Variants in TECRL observed in about 807,000 individuals in gnomAD.
The protein encoded by TECRL is trans-2,3-enoyl-CoA reductase-like.
In TECRL, 63 loss-of-function variants were observed where a neutral mutation model predicts 52.8. The observed-to-expected ratio is 1.19, with a 90% confidence interval of 0.97 to 1.47. The LOEUF is 1.47. TECRL is among the 40% of genes most tolerant of loss of function. TECRL has a pLI of 0.00. For synonymous variants in TECRL, 164 were observed against 141.9 expected (o/e 1.16, Z -1.10); for missense variants, 482 against 429.6 (o/e 1.12, Z -1.08).
At chr4:64,407,025 AT>A (rs769026692) in intron 1 of TECRL, among the ~76,000 whole-genome samples, 1 of 146,156 alleles carries the variant, frequency 6.8e-6, no homozygotes, top group African/African-American at 2.5e-5. Context: ...AAAAAAAAAA[AT>A]TAATCTAGAA....
At chr4:64,285,839 C>T (rs926250499) in intron 9 of TECRL, among the ~76,000 whole-genome samples, 3 of 151,862 alleles carry the variant, frequency 2.0e-5, no homozygotes, top group African/African-American at 7.3e-5. Context: ...AGAGGGAAGG[C>T]ATCATGTGGA....
At chr4:64,333,637 G>A (rs946848533) in intron 2 of TECRL, among the ~76,000 whole-genome samples, 1 of 152,092 alleles carries the variant, frequency 6.6e-6, no homozygotes, top group Non-Finnish European at 1.5e-5. Context: ...AAACCATCCT[G>A]CAAATTTAGG....
intron 7 of TECRL, among the ~76,000 whole-genome samples, chr4:64,302,305 A>T (rs903946776): frequency 6.6e-6 from 1 of 151,450 alleles, no homozygotes; most frequent in African/African-American, 2.4e-5. Context: ...ATGAGAATAG[A>T]TTGTGGTGAA....
At chr4:64,339,039 T>C (rs1430995552) in intron 2 of TECRL, among the ~76,000 whole-genome samples, 1 of 151,800 alleles carries the variant, frequency 6.6e-6, no homozygotes, top group Non-Finnish European at 1.5e-5. Flanking sequence ...AAGCCAAATG[T>C]CCAACAATGA....
At chr4:64,375,435 G>A (rs1276010675) in intron 1 of TECRL, among the ~76,000 whole-genome samples, 1 of 151,878 alleles carries the variant, frequency 6.6e-6, no homozygotes, top group East Asian at 1.9e-4. Context: ...GTATACAACA[G>A]TAATAGCTTT....
In TECRL at chr4:64,314,663, C is replaced by A. The variant is rs147048390; in HGVS notation, c.536G>T (p.Arg179Leu). 4 of 1,597,504 alleles carry A rather than the reference C, an allele frequency of 2.5e-6. No individual in the cohort carries two copies. The East Asian group carries it at 9.1e-5, about 36-fold the overall frequency. The change falls in exon 5 of 12, where the codon CGC (arginine) becomes CTC (leucine). Residue 179 changes from arginine to leucine, a missense_variant. Transcript: ENST00000381210. ...TATCACTTACTGTACCACTGGGTGG[C>A]GTAATCTTCTAGCACTCTCTTTTCC... ...YDGKESARRLRHPVVHLACFC... is the reference protein window; with the variant it reads ...YDGKESARRLLHPVVHLACFC...
Position 64,386,426 on chromosome 4 carries a change from G to T in TECRL, c.235-11203C>A, listed in dbSNP as rs114961248. On this transcript the variant is annotated intron_variant, in intron 1 of 11. Coordinates refer to ENST00000381210, the MANE Select transcript of TECRL (RefSeq NM_001010874.5). The stretch of plus-strand genomic sequence containing the variant: ...TGAGGGTTTGGTTGTTGTCTCAGGG[G>T]TGGTAGAGGTGGAAGAAAATCCATT... 2.3e-3 allele frequency among the ~76,000 whole-genome samples: 346 copies of T among 152,184 alleles called. 2 individuals carry two copies. Among genetic ancestry groups the T allele is most frequent in the African/African-American group, 7.8e-3 (326 of 41,540 alleles).
intron 2 of TECRL, among the ~76,000 whole-genome samples, chr4:64,343,666 T>C (rs1263232640): frequency 1.3e-5 from 2 of 152,046 alleles, no homozygotes; most frequent in Non-Finnish European, 2.9e-5. Flanking sequence ...TTCTGGTAAA[T>C]AGAATTTTAT....
rs200733643 is a variant in TECRL at position 64,329,145 on chromosome 4, A to AATCATCTT, written c.287-597_287-590dup. Among the ~76,000 whole-genome samples the AATCATCTT allele has an allele frequency of 5.8e-3, 889 of 152,050 alleles. 16 individuals carry two copies. Among genetic ancestry groups the AATCATCTT allele is most frequent in the African/African-American group, 0.021 (857 of 41,558 alleles). On this transcript the variant is annotated intron_variant, in intron 2 of 11. Coordinates refer to ENST00000381210, the MANE Select transcript of TECRL (RefSeq NM_001010874.5). ...TAATTCTGTCGCTATAGAAAAATCAAATCATCTTTATTATACACTGCCATA... is the reference window on the plus strand; with the variant it reads ...TAATTCTGTCGCTATAGAAAAATCAAATCATCTTATCATCTTTATTATACACTGCCATA...
At chr4:64,345,907 C>CAAAAAAAAAAAAAAAA (rs777171822) in intron 2 of TECRL, among the ~76,000 whole-genome samples, 1,085 of 23,340 alleles carry the variant, frequency 0.046, 480 homozygotes, top group South Asian at 0.092. Context: ...GCCTCAACAG[C>CAAAAAAAAAAAAAAAA]AAAAAAAAAA....
intron 8 of TECRL, among the ~76,000 whole-genome samples, chr4:64,292,631 A>G (rs963954301): frequency 2.0e-5 from 3 of 152,024 alleles, no homozygotes; most frequent in African/African-American, 7.2e-5. Flanking sequence ...TTTTAGTCAA[A>G]AAGTTTAACC....
chr4:64,366,948 G>C (rs1461109280), intron 2 of TECRL, among the ~76,000 whole-genome samples: 2 of 152,064 alleles, frequency 1.3e-5, no homozygotes, highest in Non-Finnish European at 2.9e-5. Context: ...GTTCACTGCA[G>C]CACTATTCAC....
intron 2 of TECRL, among the ~76,000 whole-genome samples, chr4:64,329,393 C>T (rs1160826041): frequency 6.6e-6 from 1 of 151,368 alleles, no homozygotes; most frequent in Non-Finnish European, 1.5e-5. Flanking sequence ...GCAGAGATGA[C>T]TCAGGACTAG....
chr4:64,389,522 A>C (rs1560551818), intron 1 of TECRL, among the ~76,000 whole-genome samples: 1 of 152,062 alleles, frequency 6.6e-6, no homozygotes, highest in East Asian at 1.9e-4. Flanking sequence ...ATATGCTAAT[A>C]TGTTGTTGAG....
Position 64,309,944 on chromosome 4 carries a change from A to T in TECRL, c.552-13T>A. 1 of 1,513,860 alleles carries T rather than the reference A, an allele frequency of 6.6e-7. No homozygotes were observed. Among genetic ancestry groups the T allele is most frequent in the South Asian group, 1.2e-5 (1 of 83,270 alleles). 93.8% of individuals were successfully genotyped at this position (1,513,860 alleles called of 1,614,324 possible). A position where few individuals can be genotyped will look rare whatever the true frequency, so the allele number is the denominator to read the frequency against. Reference sequence around the variant, plus strand: ...GAAGCAAGCCAAGCTGGAAAAAAAAATAAAACATAAACATGAAAATCCTTT... The same window carrying T: ...GAAGCAAGCCAAGCTGGAAAAAAAATTAAAACATAAACATGAAAATCCTTT... On this transcript the variant is annotated splice_polypyrimidine_tract_variant and intron_variant, in intron 5 of 11. Coordinates refer to ENST00000381210, the MANE Select transcript of TECRL (RefSeq NM_001010874.5).
intron 8 of TECRL, among the ~76,000 whole-genome samples, chr4:64,293,616 G>A (rs1723515580): frequency 1.3e-5 from 2 of 151,898 alleles, no homozygotes; most frequent in South Asian, 2.1e-4. Context: ...GCAAGGGGTC[G>A]AGGGAGGACA....
intron 2 of TECRL, among the ~76,000 whole-genome samples, chr4:64,354,260 AAAC>A (rs1283795143): frequency 1.3e-5 from 2 of 152,162 alleles, no homozygotes; most frequent in African/African-American, 4.8e-5. Flanking sequence ...GTTGTAGAAA[AAAC>A]AAGATCAAAG....
At chr4:64,395,159 A>G (rs1723848653) in intron 1 of TECRL, among the ~76,000 whole-genome samples, 1 of 151,872 alleles carries the variant, frequency 6.6e-6, no homozygotes, top group Non-Finnish European at 1.5e-5. Flanking sequence ...GCCTCAGGTG[A>G]TCCTCCTGTC....
At chr4:64,399,762 G>T (rs1056915662) in intron 1 of TECRL, among the ~76,000 whole-genome samples, 20 of 152,266 alleles carry the variant, frequency 1.3e-4, no homozygotes, top group South Asian at 4.1e-4. Context: ...TGAGGCTTGG[G>T]AACCATTGCC....
Sources: gnomAD v4.1 joint callset for allele counts (sites outside exome capture counted in the v4.1 genomes callset) on GRCh38, gnomAD v4.1.1 for gene constraint, MANE v1.5 for transcripts, NCBI Gene and HGNC (gene_info 2026-07-23, HGNC 2026-07-21) for gene names.